TOP1: variants seen among roughly 807,000 people sequenced by gnomAD.
TOP1 encodes the protein DNA topoisomerase I.
TOP1 carries 10 observed loss-of-function variants against 111.1 expected under a neutral mutation model. The observed-to-expected ratio is 0.09, with a 90% CI of 0.06 to 0.15. TOP1 has a LOEUF of 0.15. Ranked by LOEUF, TOP1 falls within the 10% of genes least tolerant of loss-of-function variation. The pLI is 1.00. For synonymous variants in TOP1, 271 were observed against 302.9 expected (o/e 0.89, Z 1.10); for missense variants, 474 against 926.7 (o/e 0.51, Z 6.34).
At position 41,028,851 on chromosome 20, in the gene TOP1, G is replaced by A; in HGVS notation, c.-217G>A. ...TGCGAACTTAGGCTGTTACACAACTGCTGGGGTCTGTTCTCGCCGCCCGCC... is the reference window on the plus strand; with the variant it reads ...TGCGAACTTAGGCTGTTACACAACTACTGGGGTCTGTTCTCGCCGCCCGCC... On this transcript the variant is annotated 5_prime_UTR_variant, in exon 1 of 21. Coordinates refer to ENST00000361337, the MANE Select transcript of TOP1 (RefSeq NM_003286.4). The A allele has an allele frequency of 1.8e-6, 1 of 547,546 alleles. No homozygotes were observed. Among genetic ancestry groups the A allele is most frequent in the South Asian group, 2.2e-5 (1 of 46,438 alleles). The allele number at this position is 547,546 out of a possible 1,614,324, so 33.9% of individuals were successfully genotyped here. A position where few individuals can be genotyped will look rare whatever the true frequency, so the allele number is the denominator to read the frequency against.
rs1476330256 is a variant in TOP1, at chr20:41,112,505, A to G, written c.1309-277A>G. Among the ~76,000 whole-genome samples, 1 of 152,260 alleles carries G rather than the reference A, an allele frequency of 6.6e-6. No homozygotes were observed. Among genetic ancestry groups the G allele is most frequent in the African/African-American group, 2.4e-5 (1 of 41,476 alleles). ...GCATTCTTAACAGGTTAAATGTGCC[A>G]AACTCTCTCTTCAGTACTATTCTTT... On this transcript the variant is annotated intron_variant, in intron 13 of 20. Transcript: ENST00000361337. This position sits in a 1 kb window ranked among gnomAD's most constrained non-coding sequence, Gnocchi z 5.8.
At chr20:41,072,638 G>T in intron 3 of TOP1, 1 of 985,422 alleles carries the variant, frequency 1.0e-6, no homozygotes, top group Non-Finnish European at 1.2e-6. Flanking sequence ...CTCTTTGCCA[G>T]CACTCCTGCC....
At chr20:41,035,253 T>A (rs59518834) in intron 2 of TOP1, among the ~76,000 whole-genome samples, 1 of 152,174 alleles carries the variant, frequency 6.6e-6, no homozygotes, top group East Asian at 1.9e-4. Context: ...CTCACTTACC[T>A]GTCTGCTAAA....
intron 9 of TOP1, among the ~76,000 whole-genome samples, chr20:41,093,992 G>A (rs554699788): frequency 6.6e-6 from 1 of 152,274 alleles, no homozygotes; most frequent in African/African-American, 2.4e-5. Context: ...GGCAGAGATT[G>A]CAGTGAGCCT....
Position 41,099,957 on chromosome 20 carries a change from CTT to C in TOP1, c.976-97_976-96del, listed in dbSNP as rs548558221. ...ATTTATTTTTTAGTGATTTTTCAGA[CTT>C]TCCTCTACCTTGACTTAGTCTCCCA... On this transcript the variant is annotated intron_variant, in intron 11 of 20. Transcript: ENST00000361337. 2.2e-4 allele frequency: 169 copies of C among 765,074 alleles called. No homozygotes were observed. The South Asian group carries it at 5.0e-3, about 23-fold the overall frequency. The allele number at this position is 765,074 out of a possible 1,614,324, so 47.4% of individuals were successfully genotyped here. A position where few individuals can be genotyped will look rare whatever the true frequency, so the allele number is the denominator to read the frequency against.
At chr20:41,087,219 G>T (rs1044914298) in intron 8 of TOP1, among the ~76,000 whole-genome samples, 6 of 152,138 alleles carry the variant, frequency 3.9e-5, no homozygotes, top group African/African-American at 1.4e-4. Flanking sequence ...GCTATATCAC[G>T]TTATCTCCAT....
chr20:41,104,997 C>T (rs564108181), intron 13 of TOP1, among the ~76,000 whole-genome samples: 57 of 152,286 alleles, frequency 3.7e-4, no homozygotes, highest in Admixed American at 3.1e-3. Flanking sequence ...AATGAACACT[C>T]GTATGTCCAC....
chr20:41,115,327 A>ATT lies in TOP1; in HGVS notation c.1639-38_1639-37dup. 2 of 1,433,218 alleles carry ATT rather than the reference A, an allele frequency of 1.4e-6. No homozygotes were observed. Among genetic ancestry groups the ATT allele is most frequent in the Non-Finnish European group, 2.0e-6 (2 of 1,022,606 alleles). 88.8% of individuals were successfully genotyped at this position (1,433,218 alleles called of 1,614,324 possible). ...GTTTGGGGTTATTTCTAAAGTTAGG[A>ATT]TTTTTTTCAAGAGTAATAATTAGGA... On this transcript the variant is annotated intron_variant, in intron 15 of 20. Coordinates refer to ENST00000361337, the MANE Select transcript of TOP1 (RefSeq NM_003286.4). This position sits in a 1 kb window ranked among gnomAD's most constrained non-coding sequence, Gnocchi z 6.3.
chr20:41,062,753 A>G (rs2033560896), intron 3 of TOP1, among the ~76,000 whole-genome samples: 2 of 152,248 alleles, frequency 1.3e-5, no homozygotes, highest in Non-Finnish European at 2.9e-5. Context: ...AGAAATAAAC[A>G]TTCATAATTA....
intron 8 of TOP1, among the ~76,000 whole-genome samples, chr20:41,089,111 G>C (rs551884665): frequency 7.2e-6 from 1 of 139,022 alleles, no homozygotes; most frequent in Non-Finnish European, 1.5e-5. Flanking sequence ...TGCAACCTTC[G>C]CCTCCTGGGT....
In TOP1 at chr20:41,123,180, C is replaced by T; in HGVS notation, c.2196-15C>T. ...AGTCACCCTAATCCCCCCCTTATTT[C>T]TCCTTTGTTTGCAGGTGCAAGAAGT... On this transcript the variant is annotated splice_polypyrimidine_tract_variant and intron_variant, in intron 20 of 20. Transcript: ENST00000361337. This position sits in a 1 kb window ranked among gnomAD's most constrained non-coding sequence, Gnocchi z 5.8. The T allele has an allele frequency of 1.3e-6, 2 of 1,598,558 alleles. No individual in the cohort carries two copies. The highest frequency in any genetic ancestry group is 1.7e-6 in the Non-Finnish European group (2 of 1,165,942).
chr20:41,097,121 G>A lies in TOP1; in HGVS notation c.731-99G>A. On this transcript the variant is annotated intron_variant, in intron 9 of 20. Transcript: ENST00000361337. This position sits in a 1 kb window ranked among gnomAD's most constrained non-coding sequence, Gnocchi z 4.2. ...GTCACCAGACCTTTATATACCATGAGAAGGCAAACCATTATTAAAGAGAAT... is the reference window on the plus strand; with the variant it reads ...GTCACCAGACCTTTATATACCATGAAAAGGCAAACCATTATTAAAGAGAAT... The A allele has an allele frequency of 7.4e-7, 1 of 1,358,400 alleles. No homozygotes were observed. Among genetic ancestry groups the A allele is most frequent in the Non-Finnish European group, 1.0e-6 (1 of 995,718 alleles). 84.1% of individuals were successfully genotyped at this position (1,358,400 alleles called of 1,614,324 possible). A position where few individuals can be genotyped will look rare whatever the true frequency, so the allele number is the denominator to read the frequency against.
At chr20:41,042,309 T>G (rs756596114) in intron 2 of TOP1, among the ~76,000 whole-genome samples, 22 of 152,260 alleles carry the variant, frequency 1.4e-4, no homozygotes, top group Non-Finnish European at 3.1e-4. Flanking sequence ...TACCTTTCAG[T>G]GAGCATTTAC....
In TOP1 at chr20:41,098,515, G is replaced by C. The variant is rs573442178; in HGVS notation, c.975+178G>C. 1.3e-3 allele frequency: 858 copies of C among 670,560 alleles called. 3 individuals are homozygous for C. Among genetic ancestry groups the C allele is most frequent in the South Asian group, 5.3e-3 (261 of 49,270 alleles). 41.5% of individuals were successfully genotyped at this position (670,560 alleles called of 1,614,324 possible). A position where few individuals can be genotyped will look rare whatever the true frequency, so the allele number is the denominator to read the frequency against. On this transcript the variant is annotated intron_variant, in intron 11 of 20. Coordinates refer to ENST00000361337, the MANE Select transcript of TOP1 (RefSeq NM_003286.4). This position sits in a 1 kb window ranked among gnomAD's most constrained non-coding sequence, Gnocchi z 5.7. ...AAAGGTTTTAGTTAGACTGAAAATT[G>C]TGAACAAGTACTTTGCTCAGTAGCT...
rs1469971601 is a variant in TOP1, at chr20:41,095,509, AGT to A, written c.731-1708_731-1707del. On this transcript the variant is annotated intron_variant, in intron 9 of 20. Coordinates refer to ENST00000361337, the MANE Select transcript of TOP1 (RefSeq NM_003286.4). This position sits in a 1 kb window ranked among gnomAD's most constrained non-coding sequence, Gnocchi z 4.6. ...TTAATACACAGCCTATCTTCCCCGAAGTGTCTTTCTTCCAAAGCAGAAGCTTG... is the reference window on the plus strand; with the variant it reads ...TTAATACACAGCCTATCTTCCCCGAAGTCTTTCTTCCAAAGCAGAAGCTTG... 6.6e-6 allele frequency among the ~76,000 whole-genome samples: 1 copy of A among 152,128 alleles called. No homozygotes were observed. Among genetic ancestry groups the A allele is most frequent in the Admixed American group, 6.5e-5 (1 of 15,274 alleles).
chr20:41,104,918 G>A (rs8116696), intron 13 of TOP1, among the ~76,000 whole-genome samples: 10,297 of 152,212 alleles, frequency 0.068, 371 homozygotes, highest in Middle Eastern at 0.17. Context: ...TTTAAAAAAT[G>A]TAGATACAAA....
At position 41,115,487 on chromosome 20, in the gene TOP1, T is replaced by A. The variant is rs377502059; in HGVS notation, c.1707+48T>A. The A allele has an allele frequency of 2.8e-6, 4 of 1,426,752 alleles. No individual in the cohort carries two copies. Among genetic ancestry groups the A allele is most frequent in the East Asian group, 4.5e-5 (2 of 43,974 alleles). The allele number at this position is 1,426,752 out of a possible 1,614,324, so 88.4% of individuals were successfully genotyped here. A position where few individuals can be genotyped will look rare whatever the true frequency, so the allele number is the denominator to read the frequency against. ...GTTGAAGGGAGTCCCAGCCAGAGCC[T>A]CACAGTACCTAAAGGGGAGGGTTGC... On this transcript the variant is annotated intron_variant, in intron 16 of 20. Coordinates refer to ENST00000361337, the MANE Select transcript of TOP1 (RefSeq NM_003286.4). This position sits in a 1 kb window ranked among gnomAD's most constrained non-coding sequence, Gnocchi z 6.3.
chr20:41,112,854 T>C lies in TOP1; in HGVS notation c.1381T>C (p.Tyr461His). Reference sequence around the variant, plus strand: ...ATGTGTGGACAAGATCCGGAACCAGTATCGAGAAGACTGGAAGTCCAAAGA... The same window carrying C: ...ATGTGTGGACAAGATCCGGAACCAGCATCGAGAAGACTGGAAGTCCAAAGA... ...KKCVDKIRNQ[Y>H]REDWKSKEMK... The change falls in exon 14 of 21, where the codon TAT becomes CAT. Residue 461 changes from tyrosine to histidine, a missense_variant. This residue lies in a region of TOP1 where 14 missense variants were observed against 22.2 expected (regional missense o/e 0.63). Transcript: ENST00000361337. The surrounding 1 kb of genome is among the most constrained non-coding windows in gnomAD (Gnocchi z 5.8). 6.2e-7 allele frequency: 1 copy of C among 1,614,214 alleles called. No homozygotes were observed. The highest frequency in any genetic ancestry group is 8.5e-7 in the Non-Finnish European group (1 of 1,180,042).
chr20:41,044,435 A>C (rs555052991), intron 2 of TOP1, among the ~76,000 whole-genome samples: 59 of 152,340 alleles, frequency 3.9e-4, no homozygotes, highest in Middle Eastern at 3.4e-3. Flanking sequence ...CGAAGCTTAA[A>C]ATAATTGCTC....
Sources: allele counts gnomAD v4.1 joint callset (sites outside exome capture counted in the v4.1 genomes callset), GRCh38; gene constraint gnomAD v4.1.1; regional missense constraint gnomAD v4.1.1; non-coding constraint Gnocchi (gnomAD v3.1); transcripts MANE v1.5; gene names NCBI Gene and HGNC (gene_info 2026-07-23, HGNC 2026-07-21).